The following GPC6 variants were observed in gnomAD, a reference collection of about 807,000 sequenced individuals.
GPC6 encodes glypican-6.
GPC6 carries 14 observed loss-of-function variants against 55.2 expected under a neutral mutation model. The ratio of observed to expected loss-of-function variants is 0.25; its 90% confidence interval spans 0.17 to 0.40. GPC6 has a LOEUF of 0.40. GPC6 is among the 10% of genes least tolerant of loss of function. The pLI is 1.00. For synonymous variants in GPC6, 278 were observed against 259.6 expected (o/e 1.07, Z -0.68); for missense variants, 641 against 708.5 (o/e 0.90, Z 1.08).
chr13:93,918,588 G>A (rs1877407517), intron 3 of GPC6, among the ~76,000 whole-genome samples: 1 of 152,188 alleles, frequency 6.6e-6, no homozygotes, highest in South Asian at 2.1e-4. Context: ...ACACAGTTTG[G>A]AAGTTACTCA....
intron 4 of GPC6, among the ~76,000 whole-genome samples, chr13:94,032,504 G>A (rs1050479000): frequency 2.6e-5 from 4 of 152,142 alleles, no homozygotes; most frequent in South Asian, 2.1e-4. Context: ...TTTGTTTCCC[G>A]TATCACTCTC....
chr13:94,348,976 A>G (rs1322677085), intron 6 of GPC6, among the ~76,000 whole-genome samples: 1 of 152,176 alleles, frequency 6.6e-6, no homozygotes, highest in Non-Finnish European at 1.5e-5. Flanking sequence ...AGTTGCATTT[A>G]TTTATTTTAC....
chr13:93,310,997 C>T (rs1244971450), intron 1 of GPC6, among the ~76,000 whole-genome samples: 1 of 152,126 alleles, frequency 6.6e-6, no homozygotes, highest in Non-Finnish European at 1.5e-5. Context: ...AGGTAGCTTA[C>T]GTTATCTAAG....
chr13:93,610,661 TATAC>T (rs1435750779), intron 2 of GPC6, among the ~76,000 whole-genome samples: 3 of 152,198 alleles, frequency 2.0e-5, no homozygotes, highest in Non-Finnish European at 4.4e-5. Flanking sequence ...GATTATATAA[TATAC>T]ATATCCATTA....
At chr13:93,985,689 C>CAAAAAAAAAAA (rs34003218) in intron 3 of GPC6, among the ~76,000 whole-genome samples, 1 of 69,398 alleles carries the variant, frequency 1.4e-5, no homozygotes, top group African/African-American at 6.3e-5. Context: ...AAGACCTGGC[C>CAAAAAAAAAAA]AAAAAAAAAA....
intron 1 of GPC6, among the ~76,000 whole-genome samples, chr13:93,494,406 C>T (rs1880167033): frequency 6.7e-6 from 1 of 150,350 alleles, no homozygotes; most frequent in Admixed American, 6.6e-5. Context: ...TTATTTTGAG[C>T]CTATGTGTGT....
chr13:94,267,991 A>G (rs1457201085), intron 4 of GPC6, among the ~76,000 whole-genome samples: 2 of 152,256 alleles, frequency 1.3e-5, no homozygotes, highest in Non-Finnish European at 2.9e-5. Context: ...ATGAAGTTAA[A>G]CAGCTAACAG....
intron 2 of GPC6, among the ~76,000 whole-genome samples, chr13:93,639,541 T>G (rs768573531): frequency 2.0e-5 from 3 of 152,206 alleles, no homozygotes; most frequent in African/African-American, 7.2e-5. Flanking sequence ...AAAAGGCTGT[T>G]GAAAAAAAAT....
At chr13:93,234,705 A>AGTGC (rs1457204578) in intron 1 of GPC6, among the ~76,000 whole-genome samples, 4 of 151,756 alleles carry the variant, frequency 2.6e-5, no homozygotes, top group Admixed American at 2.6e-4. Context: ...AGAGAGAGAG[A>AGTGC]GAGTGCAAGA....
chr13:93,426,914 T>C (rs1361929412), intron 1 of GPC6, among the ~76,000 whole-genome samples: 1 of 147,774 alleles, frequency 6.8e-6, no homozygotes, highest in Non-Finnish European at 1.5e-5. Context: ...TTCCTGACAT[T>C]TTAATGATTG....
At chr13:93,221,241 C>A in the GPC6 span, among the ~76,000 whole-genome samples, 1 of 152,144 alleles carries the variant, frequency 6.6e-6, no homozygotes, top group East Asian at 1.9e-4. Context: ...TTTTAGGTAA[C>A]GATGAGTAAA....
At position 94,257,777 on chromosome 13, in the gene GPC6, C is replaced by T. The variant is rs145236924; in HGVS notation, c.878-28572C>T. 9.3e-4 allele frequency among the ~76,000 whole-genome samples: 141 copies of T among 152,172 alleles called. 1 individual carries two copies. The highest frequency in any genetic ancestry group is 4.0e-3 in the East Asian group (21 of 5,186). On this transcript the variant is annotated intron_variant, in intron 4 of 8. Coordinates refer to ENST00000377047, the MANE Select transcript of GPC6 (RefSeq NM_005708.5). ...CATCATTTTATTGTAATACTGCAAC[C>T]GCCCTGGCAAAAGAGACCATTAACC...
At chr13:93,655,070 C>T (rs2139604186) in intron 2 of GPC6, among the ~76,000 whole-genome samples, 1 of 129,540 alleles carries the variant, frequency 7.7e-6, no homozygotes, top group East Asian at 2.3e-4. Context: ...CAGGATGTCT[C>T]GATCTCCTCG....
intron 4 of GPC6, among the ~76,000 whole-genome samples, chr13:94,137,657 G>T (rs936753416): frequency 6.6e-6 from 1 of 152,114 alleles, no homozygotes; most frequent in Admixed American, 6.5e-5. Flanking sequence ...TATCAATATA[G>T]TATCCCTGCC....
intron 3 of GPC6, among the ~76,000 whole-genome samples, chr13:93,857,553 C>T (rs1888662066): frequency 6.6e-6 from 1 of 151,468 alleles, no homozygotes; most frequent in Non-Finnish European, 1.5e-5. Flanking sequence ...AGATTCAGCC[C>T]ACTTTCAGGT....
At chr13:94,051,320 A>T (rs1277469579) in intron 4 of GPC6, among the ~76,000 whole-genome samples, 1 of 152,162 alleles carries the variant, frequency 6.6e-6, no homozygotes, top group Non-Finnish European at 1.5e-5. Flanking sequence ...TGCCCTCAAA[A>T]TCCACTACAG....
At chr13:93,341,541 C>A (rs1880254837) in intron 1 of GPC6, among the ~76,000 whole-genome samples, 1 of 152,056 alleles carries the variant, frequency 6.6e-6, no homozygotes, top group African/African-American at 2.4e-5. Context: ...CTGTGTACAT[C>A]CTCTTTTGAG....
intron 3 of GPC6, among the ~76,000 whole-genome samples, chr13:93,848,160 A>G (rs1352650348): frequency 6.6e-6 from 1 of 152,262 alleles, no homozygotes; most frequent in African/African-American, 2.4e-5. Flanking sequence ...GATTACAAGT[A>G]TGTCAGAGTA....
intron 2 of GPC6, among the ~76,000 whole-genome samples, chr13:93,602,865 T>G (rs1878076448): frequency 6.6e-6 from 1 of 152,210 alleles, no homozygotes; most frequent in South Asian, 2.1e-4. Flanking sequence ...CTAGTAGATC[T>G]GATACTAAAA....
Sources: gnomAD v4.1 joint callset for allele counts (sites outside exome capture counted in the v4.1 genomes callset) on GRCh38, gnomAD v4.1.1 for gene constraint, MANE v1.5 for transcripts, NCBI Gene and HGNC (gene_info 2026-07-23, HGNC 2026-07-21) for gene names.